The following SCMH1 variants were observed in gnomAD, a reference collection of about 807,000 sequenced individuals.
SCMH1 encodes polycomb protein SCMH1.
SCMH1 carries 37 observed loss-of-function variants against 70.8 expected under a neutral mutation model. That is an observed-to-expected ratio of 0.52 (90% CI 0.40 to 0.69). The LOEUF (loss-of-function observed/expected upper bound fraction) is 0.69. SCMH1 is among the 30% of genes least tolerant of loss of function. The pLI is 0.00. For missense variants in SCMH1, 607 were observed against 827.3 expected (o/e 0.73, Z 3.27); for synonymous variants, 292 against 307.4 (o/e 0.95, Z 0.52).
intron 6 of SCMH1, among the ~76,000 whole-genome samples, chr1:41,133,827 G>A (rs1042999094): frequency 7.9e-5 from 12 of 152,148 alleles, no homozygotes; most frequent in Non-Finnish European, 1.8e-4. Context: ...GGACCAGATG[G>A]ATTCATAGTC....
chr1:41,121,520 G>A (rs1671942493), intron 6 of SCMH1, among the ~76,000 whole-genome samples: 2 of 152,166 alleles, frequency 1.3e-5, no homozygotes, highest in African/African-American at 4.8e-5. Context: ...GACCTAGGCT[G>A]TCTATAAGGA....
chr1:41,061,976 C>T (rs1652823720), intron 10 of SCMH1, among the ~76,000 whole-genome samples: 1 of 152,026 alleles, frequency 6.6e-6, no homozygotes, highest in African/African-American at 2.4e-5. Context: ...GTGATCCTCA[C>T]ACTTTAGCCT....
chr1:41,072,892 GGA>G (rs1657021978), intron 9 of SCMH1, among the ~76,000 whole-genome samples: 1 of 152,014 alleles, frequency 6.6e-6, no homozygotes, highest in Non-Finnish European at 1.5e-5. Context: ...AAACAAAAAG[GGA>G]TATAAGGCTC....
intron 13 of SCMH1, among the ~76,000 whole-genome samples, chr1:41,036,479 T>G (rs1271067151): frequency 6.6e-6 from 1 of 152,188 alleles, no homozygotes; most frequent in East Asian, 1.9e-4. Context: ...CTCTCTCTTC[T>G]CCAAACCTTC....
chr1:41,177,622 T>C (rs1366854086), intron 2 of SCMH1, among the ~76,000 whole-genome samples: 4 of 152,070 alleles, frequency 2.6e-5, no homozygotes, highest in South Asian at 2.1e-4. Context: ...TTTGATCAAC[T>C]GGAAGAAAGG....
chr1:41,119,808 C>A (rs568998707), intron 6 of SCMH1, among the ~76,000 whole-genome samples: 1 of 152,254 alleles, frequency 6.6e-6, no homozygotes, highest in Admixed American at 6.5e-5. Context: ...CCAGATAAAT[C>A]CTTGGACTTC....
At chr1:41,082,688 C>T (rs1660391795) in intron 8 of SCMH1, among the ~76,000 whole-genome samples, 1 of 152,114 alleles carries the variant, frequency 6.6e-6, no homozygotes, top group African/African-American at 2.4e-5. Context: ...GAATTTTAGA[C>T]CAATATCCTT....
chr1:41,063,298 C>T (rs929576544), intron 10 of SCMH1, among the ~76,000 whole-genome samples: 2 of 151,838 alleles, frequency 1.3e-5, no homozygotes, highest in East Asian at 3.9e-4. Flanking sequence ...ACAGTGAAAC[C>T]GCATCTCAAC....
chr1:41,176,640 G>GCAGAAAC (rs1172523149), intron 2 of SCMH1, among the ~76,000 whole-genome samples: 1 of 152,194 alleles, frequency 6.6e-6, no homozygotes, highest in Admixed American at 6.5e-5. Context: ...TGCCCACGGA[G>GCAGAAAC]CCTCGCTCAT....
chr1:41,186,143 A>G, exon 2 of SCMH1: 2 of 1,486,174 alleles, frequency 1.3e-6, no homozygotes, highest in Non-Finnish European at 1.8e-6. Context: ...TAGTCAATGG[A>G]CTAAAAACCG....
chr1:41,196,537 A>C (rs1653062130), intron 1 of SCMH1, among the ~76,000 whole-genome samples: 1 of 152,218 alleles, frequency 6.6e-6, no homozygotes, highest in African/African-American at 2.4e-5. Context: ...ATATACAAAA[A>C]AATTAACTCA....
chr1:41,086,633 T>C (rs2148988476), intron 8 of SCMH1, among the ~76,000 whole-genome samples: 1 of 151,980 alleles, frequency 6.6e-6, no homozygotes, highest in African/African-American at 2.4e-5. Context: ...AACCAGGCAC[T>C]GTAGCTCACA....
intron 1 of SCMH1, among the ~76,000 whole-genome samples, chr1:41,238,361 C>T (rs894267482): frequency 6.6e-6 from 1 of 152,130 alleles, no homozygotes; most frequent in Non-Finnish European, 1.5e-5. Flanking sequence ...TCAGAGCAAA[C>T]AGAATGATTA....
At chr1:41,227,642 A>AT (rs1388090519) in intron 1 of SCMH1, among the ~76,000 whole-genome samples, 8 of 152,156 alleles carry the variant, frequency 5.3e-5, no homozygotes, top group African/African-American at 1.9e-4. Context: ...GCTGGGGCCT[A>AT]TGTCACAAGT....
intron 2 of SCMH1, among the ~76,000 whole-genome samples, chr1:41,165,282 T>C (rs188635691): frequency 3.3e-5 from 5 of 152,244 alleles, no homozygotes; most frequent in African/African-American, 1.2e-4. Context: ...CATTCATATA[T>C]TGATGGACAC....
chr1:41,076,163 G>T (rs1658229197), intron 8 of SCMH1, among the ~76,000 whole-genome samples: 1 of 151,934 alleles, frequency 6.6e-6, no homozygotes, highest in African/African-American at 2.4e-5. Flanking sequence ...TGTTCTAGTA[G>T]CCCTTATATG....
At chr1:41,090,725 C>A (rs1328681268) in intron 8 of SCMH1, among the ~76,000 whole-genome samples, 2 of 152,032 alleles carry the variant, frequency 1.3e-5, no homozygotes, top group African/African-American at 4.8e-5. Context: ...TGAAACTCAG[C>A]AAGTGGTAGT....
intron 1 of SCMH1, among the ~76,000 whole-genome samples, chr1:41,212,483 T>C (rs550390289): frequency 1.2e-4 from 18 of 152,322 alleles, no homozygotes; most frequent in African/African-American, 2.9e-4. Flanking sequence ...TATGAGTACA[T>C]ACTTTACAGT....
At chr1:41,206,836 C>A (rs561119604) in intron 1 of SCMH1, among the ~76,000 whole-genome samples, 2 of 152,128 alleles carry the variant, frequency 1.3e-5, no homozygotes, top group African/African-American at 4.8e-5. Context: ...AGACACAGTG[C>A]CTCTCTCAGC....
Sources: gnomAD v4.1 joint callset for allele counts (sites outside exome capture counted in the v4.1 genomes callset) on GRCh38, gnomAD v4.1.1 for gene constraint, MANE v1.5 for transcripts, NCBI Gene and HGNC (gene_info 2026-07-23, HGNC 2026-07-21) for gene names.